MACROH2A1: variants seen among roughly 807,000 people sequenced by gnomAD.
MACROH2A1 encodes the protein macroH2A.1 histone.
In MACROH2A1, 2 loss-of-function variants were observed where a neutral mutation model predicts 31.6. The observed-to-expected ratio is 0.06, with a 90% CI of 0.03 to 0.20. The LOEUF is 0.20. Among genes scored for constraint, MACROH2A1 ranks in the 10% least tolerant of loss-of-function variants. MACROH2A1 has a pLI of 1.00. For missense variants in MACROH2A1, 230 were observed against 474.0 expected (o/e 0.49, Z 4.78); for synonymous variants, 169 against 189.6 (o/e 0.89, Z 0.89).
chr5:135,378,028 G>A (rs113704076), intron 2 of MACROH2A1, among the ~76,000 whole-genome samples: 213 of 152,278 alleles, frequency 1.4e-3, no homozygotes, highest in African/African-American at 4.9e-3. Context: ...TCCCGATGCT[G>A]AGGACTGCTT....
In MACROH2A1 at chr5:135,369,330, A is replaced by AG. The variant is rs1447781074; in HGVS notation, c.477+75dup. 5 of 1,186,770 alleles carry AG rather than the reference A, an allele frequency of 4.2e-6. No homozygotes were observed. In the African/African-American group the frequency reaches 4.5e-5, roughly 11 times the overall value. The allele number at this position is 1,186,770 out of a possible 1,614,324, so 73.5% of individuals were successfully genotyped here. ...GTGGGATGAGCCCACAGGGGGAATG[A>AG]GGGGGGTGCCCTGGTAACCCTGTTT... is the stretch of plus-strand genomic sequence containing the variant. On this transcript the variant is annotated intron_variant, in intron 4 of 8. Coordinates refer to ENST00000511689, the MANE Select transcript of MACROH2A1 (RefSeq NM_138610.3). This position sits in a 1 kb window ranked among gnomAD's most constrained non-coding sequence, Gnocchi z 4.3.
At chr5:135,342,902 G>A (rs142059422) in intron 8 of MACROH2A1, among the ~76,000 whole-genome samples, 1 of 152,310 alleles carries the variant, frequency 6.6e-6, no homozygotes, top group East Asian at 1.9e-4. Flanking sequence ...AGACAGCCAA[G>A]CTGTTCGTTT....
At chr5:135,344,661 G>GTGAC (rs1471074655) in intron 7 of MACROH2A1, 3 of 152,186 alleles carry the variant, frequency 2.0e-5, no homozygotes, top group African/African-American at 7.2e-5. Context: ...AACATTAACA[G>GTGAC]TGACTATCTT....
At chr5:135,335,248 G>T in intron 8 of MACROH2A1, 107 bp from the exon 9 acceptor site, 1 of 813,800 alleles carries the variant, frequency 1.2e-6, no homozygotes, top group South Asian at 1.6e-5. Context: ...GCCTTGTGTT[G>T]GGTCGGTGTC....
chr5:135,369,440 T>G lies in MACROH2A1; in HGVS notation c.443A>C (p.Lys148Thr), dbSNP rs771325131. Residue 148 changes from lysine (K) to threonine (T), a missense_variant, in exon 4 of 9, where the codon AAA becomes ACA. Lys to Thr is a moderately conservative substitution (Grantham distance 78). This residue lies in a region of MACROH2A1 where 183 missense variants were observed against 319.3 expected (regional missense o/e 0.57). Coordinates refer to ENST00000511689, the MANE Select transcript of MACROH2A1 (RefSeq NM_138610.3). The surrounding 1 kb of genome is among the most constrained non-coding windows in gnomAD (Gnocchi z 4.3). ...CCGGGCCCCTTTCTTGCCTCCTGCT[T>G]TTTTAGATACAGGCTTCTTCTGGGA... ...SPSQKKPVSK[K>T]AGGKKGARKS... is the part of the protein sequence containing the mutation. 6.2e-7 allele frequency: 1 copy of G among 1,614,118 alleles called. No individual in the cohort carries two copies.
intron 8 of MACROH2A1, 83 bp from the exon 9 acceptor site, chr5:135,335,224 C>G (rs912290972): frequency 3.0e-6 from 3 of 1,009,078 alleles, no homozygotes; most frequent in African/African-American, 1.6e-5. Context: ...CCACCTCCCT[C>G]TGTGCTGCAG....
intron 4 of MACROH2A1, among the ~76,000 whole-genome samples, chr5:135,364,809 A>C (rs1763293625): frequency 6.6e-6 from 1 of 152,210 alleles, no homozygotes; most frequent in Non-Finnish European, 1.5e-5. Context: ...AAACGAACCA[A>C]TTCCTTTCTC....
At chr5:135,359,833 A>C in intron 5 of MACROH2A1, 1 of 957,290 alleles carries the variant, frequency 1.0e-6, no homozygotes, top group Non-Finnish European at 1.2e-6. Flanking sequence ...AATATTAGTT[A>C]ACTCTCATTC....
At chr5:135,375,632 G>A (rs1376285295) in intron 2 of MACROH2A1, among the ~76,000 whole-genome samples, 1 of 152,178 alleles carries the variant, frequency 6.6e-6, no homozygotes, top group Non-Finnish European at 1.5e-5. Flanking sequence ...CTTGCAATAG[G>A]AAAGAGTCAG....
At chr5:135,341,350 G>T (rs1390143303) in intron 8 of MACROH2A1, among the ~76,000 whole-genome samples, 1 of 152,220 alleles carries the variant, frequency 6.6e-6, no homozygotes, top group Non-Finnish European at 1.5e-5. Context: ...AGGGAAGGGG[G>T]AGGCAAGCCT....
intron 2 of MACROH2A1, among the ~76,000 whole-genome samples, chr5:135,386,395 C>G (rs1225933371): frequency 6.6e-6 from 1 of 152,234 alleles, no homozygotes; most frequent in South Asian, 2.1e-4. Context: ...GTGCCGCATG[C>G]AGGCAGAGGA....
Position 135,380,072 on chromosome 5 carries a change from T to C in MACROH2A1, c.172+8850A>G, listed in dbSNP as rs149071578. On this transcript the variant is annotated intron_variant, in intron 2 of 8. Coordinates refer to ENST00000511689, the MANE Select transcript of MACROH2A1 (RefSeq NM_138610.3). ...TTAAAAATCCAGGGGTCTAGTTTAA[T>C]TTTCATCCTCATCAATTTCCTGGTA... is the stretch of plus-strand genomic sequence containing the variant. Among the ~76,000 whole-genome samples, 340 of 152,312 alleles carry C rather than the reference T, an allele frequency of 2.2e-3. 3 individuals carry two copies. Among genetic ancestry groups the C allele is most frequent in the Non-Finnish European group, 2.5e-3 (168 of 68,018 alleles).
chr5:135,344,125 C>T (rs1297858318), intron 7 of MACROH2A1: 1 of 152,962 alleles, frequency 6.5e-6, no homozygotes, highest in Non-Finnish European at 1.5e-5. Context: ...TATACATCTC[C>T]ACCAAAGACT....
chr5:135,341,237 G>A (rs1759794543), intron 8 of MACROH2A1, among the ~76,000 whole-genome samples: 1 of 152,222 alleles, frequency 6.6e-6, no homozygotes, highest in African/African-American at 2.4e-5. Context: ...GGCAGACCAG[G>A]GCAGAGAGGC....
chr5:135,361,794 T>A (rs915827876), intron 4 of MACROH2A1: 34 of 152,328 alleles, frequency 2.2e-4, no homozygotes, highest in Admixed American at 2.0e-3. Flanking sequence ...CATTTTTTAC[T>A]TACAATGAAA....
rs1479399581 is a variant in MACROH2A1 at position 135,398,636 on chromosome 5, T to C, written c.-34+426A>G. Among the ~76,000 whole-genome samples the C allele has an allele frequency of 6.6e-6, 1 of 152,066 alleles. No homozygotes were observed. The highest frequency in any genetic ancestry group is 2.4e-5 in the African/African-American group (1 of 41,420). On this transcript the variant is annotated intron_variant, in intron 1 of 8. Transcript: ENST00000511689. The surrounding 1 kb of genome is among the most constrained non-coding windows in gnomAD (Gnocchi z 4.6). ...GCGGGCCGGCGGGGGCCTCACCAAG[T>C]ACAACTCTGCTCACAGCAGCTCCCG...
chr5:135,337,900 C>G (rs981231377), intron 8 of MACROH2A1: 12 of 1,056,708 alleles, frequency 1.1e-5, no homozygotes, highest in Non-Finnish European at 1.4e-5. Flanking sequence ...CAGGACAACC[C>G]TTTGTTGACA....
rs1760601648 is a variant in MACROH2A1, at chr5:135,345,043, G to C, written c.778+925C>G. 3.3e-5 allele frequency: 5 copies of C among 152,362 alleles called. No homozygotes were observed. In the South Asian group the frequency reaches 1.0e-3, roughly 32 times the overall value. 9.4% of individuals were successfully genotyped at this position (152,362 alleles called of 1,614,324 possible). A position where few individuals can be genotyped will look rare whatever the true frequency, so the allele number is the denominator to read the frequency against. On this transcript the variant is annotated intron_variant, in intron 7 of 8. Transcript: ENST00000511689. ...GTGTATGCCTTCCCTTGTACAATGT[G>C]GGACTTTGGTGGAACTGCCTGGGAG...
intron 2 of MACROH2A1, among the ~76,000 whole-genome samples, chr5:135,380,149 C>T (rs1221143233): frequency 1.3e-5 from 2 of 152,146 alleles, no homozygotes; most frequent in Non-Finnish European, 2.9e-5. Context: ...ATTCCTCTAA[C>T]TGGTCTTCTT....
Sources: gnomAD v4.1 joint callset for allele counts (sites outside exome capture counted in the v4.1 genomes callset) on GRCh38, gnomAD v4.1.1 for gene constraint, gnomAD v4.1.1 regional missense constraint, Gnocchi (gnomAD v3.1) non-coding constraint, MANE v1.5 for transcripts, NCBI Gene and HGNC (gene_info 2026-07-23, HGNC 2026-07-21) for gene names.